The following FNDC1 variants were observed in gnomAD, a reference collection of about 807,000 sequenced individuals.
The protein encoded by FNDC1 is fibronectin type III domain-containing protein 1.
Under a neutral mutation model 168.0 loss-of-function variants are expected in FNDC1, and 96 were observed. The ratio of observed to expected loss-of-function variants is 0.57; its 90% CI spans 0.48 to 0.68. The LOEUF is 0.68. Among genes scored for constraint, FNDC1 ranks in the 30% least tolerant of loss-of-function variants. The pLI, the probability that FNDC1 is intolerant of heterozygous loss-of-function variation, is 0.00. For synonymous variants in FNDC1, 1,099 were observed against 1,025.9 expected, an observed-to-expected ratio of 1.07 and a Z score of -1.36; for missense variants, 2,587 against 2,482.1, an observed-to-expected ratio of 1.04 and a Z score of -0.90.
At chr6:159,244,565 A>G (rs1783499682) in intron 14 of FNDC1, among the ~76,000 whole-genome samples, 1 of 152,220 alleles carries the variant, frequency 6.6e-6, no homozygotes, top group Admixed American at 6.5e-5. Flanking sequence ...TGTAATATTC[A>G]TGTCATTCAA....
chr6:159,186,564 T>A lies in FNDC1; in HGVS notation c.110-10867T>A, dbSNP rs549250053. ...ACCTTTTCATGTAAGGCAGCATGCCTGGCAGTTGCCTGCATGGCAAGCTGA... is the reference window on the plus strand; with the variant it reads ...ACCTTTTCATGTAAGGCAGCATGCCAGGCAGTTGCCTGCATGGCAAGCTGA... On this transcript the variant is annotated intron_variant, in intron 1 of 22. Transcript: ENST00000297267. 1.3e-3 allele frequency among the ~76,000 whole-genome samples: 192 copies of A among 152,366 alleles called. 1 individual carries two copies. Among genetic ancestry groups the A allele is most frequent in the Non-Finnish European group, 2.1e-3 (145 of 68,034 alleles).
chr6:159,236,382 T>C (rs1783260858), intron 12 of FNDC1, 67 bp downstream of exon 12: 1 of 1,039,816 alleles, frequency 9.6e-7, no homozygotes, highest in Admixed American at 1.9e-5. Flanking sequence ...ATGGTGGACA[T>C]TGTGTAATGA....
intron 12 of FNDC1, among the ~76,000 whole-genome samples, chr6:159,237,430 T>G (rs997077220): frequency 2.0e-5 from 3 of 152,216 alleles, no homozygotes; most frequent in Non-Finnish European, 4.4e-5. Context: ...TCCAGGACCA[T>G]GCTTTGAGAA....
chr6:159,223,817 C>T (rs1782897777), intron 7 of FNDC1, among the ~76,000 whole-genome samples, 172 bp downstream of exon 7: 1 of 152,178 alleles, frequency 6.6e-6, no homozygotes, highest in Non-Finnish European at 1.5e-5. Context: ...CCCAGGTGTG[C>T]TCACACATTT....
intron 21 of FNDC1, among the ~76,000 whole-genome samples, chr6:159,267,265 C>T (rs1777611398): frequency 6.6e-6 from 1 of 152,012 alleles, no homozygotes; most frequent in Non-Finnish European, 1.5e-5. Context: ...CTGTCCTTTT[C>T]CTCCCCTGCT....
chr6:159,214,814 GT>G, intron 4 of FNDC1, 130 bp from the exon 5 acceptor site: 1 of 723,758 alleles, frequency 1.4e-6, no homozygotes, highest in Non-Finnish European at 2.3e-6. Context: ...ACTAGAATTA[GT>G]TACCAAGAAA....
intron 1 of FNDC1, among the ~76,000 whole-genome samples, chr6:159,173,586 A>G (rs1030043285): frequency 2.0e-5 from 3 of 152,180 alleles, no homozygotes. Flanking sequence ...CCAGAGCATG[A>G]TGAATATACT....
Position 159,233,146 on chromosome 6 carries a change from C to T in FNDC1, c.2634C>T (p.Asp878=), listed in dbSNP as rs754231722. The T allele has an allele frequency of 5.0e-6, 8 of 1,605,630 alleles. No homozygotes were observed. Among genetic ancestry groups the T allele is most frequent in the Admixed American group, 3.4e-5 (2 of 58,752 alleles). ...HPKLSSGIHG[D]EEDEKPLPAT... ...AGCTTAGCTCAGGTATCCATGGAGA[C>T]GAGGAGGATGAGAAGCCGCTTCCTG... The change falls in exon 11 of 23, where the codon GAC becomes GAT. Residue 878 remains aspartate (D), a synonymous_variant. Transcript: ENST00000297267. The surrounding 1 kb of genome is among the most constrained non-coding windows in gnomAD (Gnocchi z 4.6).
In FNDC1 at chr6:159,169,698, G is replaced by T. The variant is rs1376141322; in HGVS notation, c.102G>T (p.Ala34=). The part of the protein sequence containing the change: ...AALLPVASSA[A]ASVDHPLKPR... ...TGCTCCCCGTCGCCTCCTCGGCGGC[G>T]GCCTCAGGTACGCGCCGCGCCCGGG... Residue 34 remains alanine, a synonymous_variant, in exon 1 of 23, where the codon GCG becomes GCT. Coordinates refer to ENST00000297267, the MANE Select transcript of FNDC1 (RefSeq NM_032532.3). This position sits in a 1 kb window ranked among gnomAD's most constrained non-coding sequence, Gnocchi z 6.8. 3 of 1,156,756 alleles carry T rather than the reference G, an allele frequency of 2.6e-6. No individual in the cohort carries two copies. The highest frequency in any genetic ancestry group is 8.1e-5 in the East Asian group (2 of 24,726). The allele number at this position is 1,156,756 out of a possible 1,614,324, so 71.7% of individuals were successfully genotyped here. A position where few individuals can be genotyped will look rare whatever the true frequency, so the allele number is the denominator to read the frequency against.
chr6:159,214,874 A>T, intron 4 of FNDC1, 71 bp from the exon 5 acceptor site: 1 of 1,334,196 alleles, frequency 7.5e-7, no homozygotes, highest in Non-Finnish European at 1.1e-6. Context: ...GGGTCTGAAG[A>T]CCTCATGTGC....
At chr6:159,219,056 T>TTG (rs1480635372) in intron 5 of FNDC1, among the ~76,000 whole-genome samples, 2 of 151,492 alleles carry the variant, frequency 1.3e-5, no homozygotes, top group African/African-American at 4.9e-5. Context: ...CTTTTTTTTT[T>TTG]TTGTGACAGG....
intron 12 of FNDC1, among the ~76,000 whole-genome samples, chr6:159,237,120 G>T (rs1454771381): frequency 6.6e-6 from 1 of 152,196 alleles, no homozygotes; most frequent in Admixed American, 6.5e-5. Flanking sequence ...TAAAGGAAGA[G>T]AAATTTATAG....
intron 22 of FNDC1, among the ~76,000 whole-genome samples, chr6:159,269,208 T>A (rs1288993024): frequency 5.4e-5 from 5 of 92,626 alleles, no homozygotes; most frequent in Middle Eastern, 5.0e-3. Flanking sequence ...CCTATTCATA[T>A]CTATCTATCT....
intron 16 of FNDC1, 84 bp from the exon 17 acceptor site, chr6:159,251,218 T>C: frequency 9.8e-7 from 1 of 1,021,244 alleles, no homozygotes; most frequent in Non-Finnish European, 1.5e-6. Flanking sequence ...GAATGGTGGG[T>C]CTGACTCTGT....
chr6:159,179,045 C>T (rs1261600131), intron 1 of FNDC1, among the ~76,000 whole-genome samples: 1 of 152,202 alleles, frequency 6.6e-6, no homozygotes, highest in Admixed American at 6.5e-5. Context: ...CCTCCCTCAC[C>T]GTCTGCCATC....
chr6:159,236,849 A>G (rs1783272121), intron 12 of FNDC1, among the ~76,000 whole-genome samples: 1 of 152,342 alleles, frequency 6.6e-6, no homozygotes, highest in South Asian at 2.1e-4. Context: ...AAAATTATGT[A>G]TTAGTATTTC....
rs773488695 is a variant in FNDC1, at chr6:159,232,632, A to G, written c.2120A>G (p.Glu707Gly). ...ARRTPHSGAAEEDSSASAPPS... is the reference protein window; with the variant it reads ...ARRTPHSGAAGEDSSASAPPS... ...AGGACCCCCCATTCAGGGGCCGCAG[A>G]GGAAGATTCCAGTGCCTCAGCCCCA... Residue 707 changes from glutamate to glycine, a missense_variant, in exon 11 of 23, where the codon GAG becomes GGG. Coordinates refer to ENST00000297267, the MANE Select transcript of FNDC1 (RefSeq NM_032532.3). The surrounding 1 kb of genome is among the most constrained non-coding windows in gnomAD (Gnocchi z 4.9). The G allele has an allele frequency of 2.5e-6, 4 of 1,611,732 alleles. No individual in the cohort carries two copies. The highest frequency in any genetic ancestry group is 2.5e-6 in the Non-Finnish European group (3 of 1,178,514).
chr6:159,173,581 G>A (rs770874822), intron 1 of FNDC1, among the ~76,000 whole-genome samples: 12 of 152,170 alleles, frequency 7.9e-5, no homozygotes, highest in Admixed American at 6.5e-4. Flanking sequence ...CAGTTCCAGA[G>A]CATGATGAAT....
At position 159,221,663 on chromosome 6, in the gene FNDC1, T is replaced by C; in HGVS notation, c.733T>C (p.Tyr245His). ...MNSQGRSQPV[Y>H]RAALTKRKIS... ...CTCTCAGGGCCGGAGCCAACCAGTC[T>C]ACAGGGCTGCCCTAACAAAGCGAAA... Residue 245 changes from tyrosine to histidine, a missense_variant, in exon 6 of 23, where the codon TAC (tyrosine) becomes CAC (histidine). By Grantham distance (83) the Tyr-to-His change is moderately conservative (BLOSUM62 2). Transcript: ENST00000297267. The C allele has an allele frequency of 1.9e-6, 3 of 1,614,032 alleles. No individual in the cohort carries two copies. The highest frequency in any genetic ancestry group is 2.5e-6 in the Non-Finnish European group (3 of 1,179,878).
Sources: allele counts gnomAD v4.1 joint callset (sites outside exome capture counted in the v4.1 genomes callset), GRCh38; gene constraint gnomAD v4.1.1; non-coding constraint Gnocchi (gnomAD v3.1); transcripts MANE v1.5; gene names NCBI Gene and HGNC (gene_info 2026-07-23, HGNC 2026-07-21).